SLC35D4: variants seen among roughly 807,000 people sequenced by gnomAD.
SLC35D4 encodes the protein UDP-N-acetylglucosamine transporter SLC35D4.
the SLC35D4 span, among the ~76,000 whole-genome samples, chr18:23,387,225 T>C: frequency 6.6e-6 from 1 of 152,148 alleles, no homozygotes; most frequent in African/African-American, 2.4e-5. Context: ...GTCTTTATTG[T>C]TGATAATGAT....
the SLC35D4 span, among the ~76,000 whole-genome samples, chr18:23,435,372 T>G: frequency 6.6e-6 from 1 of 152,202 alleles, no homozygotes; most frequent in African/African-American, 2.4e-5. Flanking sequence ...AAGGTTATTC[T>G]GTTTTAAAGT....
chr18:23,256,094 A>G, the SLC35D4 span, among the ~76,000 whole-genome samples: 1 of 152,204 alleles, frequency 6.6e-6, no homozygotes, highest in Non-Finnish European at 1.5e-5. Context: ...TACGGTAGCA[A>G]GAAACCTAAC....
chr18:23,421,081 T>TA, the SLC35D4 span, among the ~76,000 whole-genome samples: 2 of 151,542 alleles, frequency 1.3e-5, no homozygotes, highest in Non-Finnish European at 2.9e-5. Flanking sequence ...CCGTCTCTAC[T>TA]AAAAATACAA....
chr18:23,428,671 C>G, the SLC35D4 span, among the ~76,000 whole-genome samples: 21 of 150,096 alleles, frequency 1.4e-4, no homozygotes, highest in Admixed American at 1.4e-3. Flanking sequence ...GTTCATGTCA[C>G]CATGCCTAGC....
At chr18:23,389,352 A>T in the SLC35D4 span, among the ~76,000 whole-genome samples, 1 of 152,248 alleles carries the variant, frequency 6.6e-6, no homozygotes, top group Non-Finnish European at 1.5e-5. Context: ...ACTAAAATGG[A>T]TGAACTCAGA....
the SLC35D4 span, chr18:23,430,503 G>T: frequency 6.0e-6 from 4 of 670,852 alleles, no homozygotes; most frequent in Non-Finnish European, 9.9e-6. Context: ...TGTTAATAAG[G>T]CGGCTAAATA....
the SLC35D4 span, among the ~76,000 whole-genome samples, chr18:23,345,160 A>T: frequency 6.6e-6 from 1 of 151,910 alleles, no homozygotes; most frequent in Non-Finnish European, 1.5e-5. Context: ...TTGTATATGG[A>T]TATCTGATTG....
the SLC35D4 span, among the ~76,000 whole-genome samples, chr18:23,273,324 A>G: frequency 7.9e-5 from 12 of 152,136 alleles, no homozygotes; most frequent in African/African-American, 2.9e-4. Flanking sequence ...AAGGAAGGAG[A>G]AGCGTAAATG....
the SLC35D4 span, among the ~76,000 whole-genome samples, chr18:23,251,450 C>CA: frequency 3.3e-5 from 5 of 150,648 alleles, no homozygotes; most frequent in East Asian, 5.8e-4. Flanking sequence ...GACTCCGTCT[C>CA]AAAAAAAATA....
the SLC35D4 span, among the ~76,000 whole-genome samples, chr18:23,361,103 CAAAAAAAAAAAAAA>C: frequency 1.1e-5 from 1 of 94,110 alleles, no homozygotes; most frequent in South Asian, 4.1e-4. Context: ...GACTTTGTCT[CAAAAAAAAAAAAAA>C]AAAAAAAAGA....
At chr18:23,406,298 C>T in the SLC35D4 span, among the ~76,000 whole-genome samples, 1 of 152,140 alleles carries the variant, frequency 6.6e-6, no homozygotes, top group Non-Finnish European at 1.5e-5. Flanking sequence ...CTGGGCTGGG[C>T]TATGTTCTCA....
the SLC35D4 span, among the ~76,000 whole-genome samples, chr18:23,294,081 G>A: frequency 1.3e-5 from 2 of 152,124 alleles, no homozygotes; most frequent in African/African-American, 4.8e-5. Flanking sequence ...ACAGGCTTGA[G>A]CCACCGTGAC....
the SLC35D4 span, among the ~76,000 whole-genome samples, chr18:23,398,496 G>GC: frequency 6.6e-6 from 1 of 152,206 alleles, no homozygotes; most frequent in Non-Finnish European, 1.5e-5. Context: ...ACAGCAGACA[G>GC]CCAGGGCAAG....
At chr18:23,330,099 T>C in the SLC35D4 span, among the ~76,000 whole-genome samples, 1 of 152,070 alleles carries the variant, frequency 6.6e-6, no homozygotes, top group East Asian at 1.9e-4. Context: ...CTAATGTAAA[T>C]GATGAGTTGA....
chr18:23,367,417 G>A, the SLC35D4 span, among the ~76,000 whole-genome samples: 1 of 152,154 alleles, frequency 6.6e-6, no homozygotes, highest in Non-Finnish European at 1.5e-5. Context: ...GTGGGGGACT[G>A]GGGCCCCCAC....
chr18:23,254,545 G>T, the SLC35D4 span, among the ~76,000 whole-genome samples: 19 of 152,220 alleles, frequency 1.2e-4, no homozygotes, highest in African/African-American at 4.3e-4. Flanking sequence ...AAGAGGAGTA[G>T]TATCTTGGCT....
At chr18:23,247,091 G>A in the SLC35D4 span, among the ~76,000 whole-genome samples, 2 of 152,188 alleles carry the variant, frequency 1.3e-5, no homozygotes, top group Admixed American at 6.5e-5. Context: ...GTGGCTGAGG[G>A]GCTGTGGTAA....
the SLC35D4 span, among the ~76,000 whole-genome samples, chr18:23,435,478 A>G: frequency 6.6e-6 from 1 of 152,242 alleles, no homozygotes; most frequent in African/African-American, 2.4e-5. Flanking sequence ...ATTTCTGAAT[A>G]GGTGCTACAA....
the SLC35D4 span, among the ~76,000 whole-genome samples, chr18:23,263,987 A>G: frequency 3.3e-5 from 5 of 152,378 alleles, no homozygotes; most frequent in East Asian, 9.6e-4. Flanking sequence ...TTCCATCACC[A>G]TGAACTCGAG....
Sources: allele counts gnomAD v4.1 joint callset (sites outside exome capture counted in the v4.1 genomes callset), GRCh38; gene constraint gnomAD v4.1.1; transcripts MANE v1.5; gene names NCBI Gene and HGNC (gene_info 2026-07-23, HGNC 2026-07-21).